The following NEBL variants were observed in gnomAD, a reference collection of about 807,000 sequenced individuals.
NEBL encodes LIM and SH3 protein 2.
NEBL carries 122 observed loss-of-function variants against 140.2 expected under a neutral mutation model. The ratio of observed to expected loss-of-function variants is 0.87; its 90% confidence interval spans 0.75 to 1.01. NEBL has a LOEUF of 1.01. Ranked by LOEUF, NEBL falls within the 50% of genes least tolerant of loss-of-function variation. The pLI is 0.00. For missense variants in NEBL, 1,365 were observed against 1,231.3 expected (o/e 1.11, Z -1.62); for synonymous variants, 436 against 398.9 (o/e 1.09, Z -1.11).
intron 9 of NEBL, among the ~76,000 whole-genome samples, chr10:20,856,625 G>T (rs760135659): frequency 4.6e-5 from 7 of 151,994 alleles, no homozygotes; most frequent in Non-Finnish European, 7.4e-5. Context: ...TCAAGGAATA[G>T]AGGAATGTAA....
chr10:21,055,126 T>G (rs1278889935), intron 2 of NEBL, among the ~76,000 whole-genome samples: 1 of 152,236 alleles, frequency 6.6e-6, no homozygotes, highest in Non-Finnish European at 1.5e-5. Context: ...TTTAAGCTTC[T>G]GCTATTAAAA....
At chr10:21,116,378 CTCT>C (rs997691918) in intron 2 of NEBL, among the ~76,000 whole-genome samples, 8 of 152,046 alleles carry the variant, frequency 5.3e-5, no homozygotes, top group Admixed American at 3.9e-4. Context: ...CTGTATCTCT[CTCT>C]TCTTCTTCTT....
intron 5 of NEBL, among the ~76,000 whole-genome samples, chr10:20,880,036 T>C (rs955600999): frequency 2.0e-5 from 3 of 152,286 alleles, no homozygotes; most frequent in Non-Finnish European, 2.9e-5. Flanking sequence ...CCATGGGTCT[T>C]AGGTTGGACC....
At chr10:21,240,777 T>A (rs1260236904) in intron 3 of NEBL, among the ~76,000 whole-genome samples, 1 of 152,180 alleles carries the variant, frequency 6.6e-6, no homozygotes, top group Non-Finnish European at 1.5e-5. Context: ...TTTAGTTTTT[T>A]TCTGGGTTAG....
In NEBL at chr10:21,234,813, C is replaced by T. The variant is rs79219474; in HGVS notation, n.348+13108G>A. Among the ~76,000 whole-genome samples, 709 of 151,972 alleles carry T rather than the reference C, an allele frequency of 4.7e-3. 3 individuals are homozygous for T. The highest frequency in any genetic ancestry group is 0.016 in the African/African-American group (679 of 41,502). On this transcript the variant is annotated intron_variant and non_coding_transcript_variant, in intron 3 of 8. Coordinates refer to the NEBL transcript ENST00000675702. ...TCACCGTCACTCAGCAGCACTCTGC[C>T]CTGAAGTTTCAGAACACTTAAGGTC...
chr10:20,883,560 C>G lies in NEBL; in HGVS notation c.370-2656G>C, dbSNP rs73607542. ...GGGAGAGGAGGAGTTTCATGGGTACCCAAGTCTACAAAGCTAAGGAAAAAC... is the reference window on the plus strand; with the variant it reads ...GGGAGAGGAGGAGTTTCATGGGTACGCAAGTCTACAAAGCTAAGGAAAAAC... On this transcript the variant is annotated intron_variant, in intron 4 of 27. Transcript: ENST00000377122. Among the ~76,000 whole-genome samples the G allele has an allele frequency of 6.0e-3, 918 of 152,192 alleles. 10 individuals carry two copies. Among genetic ancestry groups the G allele is most frequent in the African/African-American group, 0.021 (890 of 41,516 alleles).
intron 3 of NEBL, among the ~76,000 whole-genome samples, chr10:20,889,549 T>C (rs1846836428): frequency 6.6e-6 from 1 of 152,166 alleles, no homozygotes; most frequent in African/African-American, 2.4e-5. Flanking sequence ...ATTGTGCCAG[T>C]GCTTTTACTT....
intron 2 of NEBL, among the ~76,000 whole-genome samples, chr10:21,031,982 AAAAACTC>A (rs1208706432): frequency 2.6e-5 from 4 of 152,232 alleles, no homozygotes; most frequent in South Asian, 2.1e-4. Context: ...CCCTTGAATA[AAAAACTC>A]AAAACTCAAA....
In NEBL at chr10:20,845,350, A is replaced by G; in HGVS notation, c.1135T>C (p.Phe379Leu). The G allele has an allele frequency of 6.3e-7, 1 of 1,595,652 alleles. No homozygotes were observed. Among genetic ancestry groups the G allele is most frequent in the Non-Finnish European group, 8.6e-7 (1 of 1,163,756 alleles). The change falls in exon 12 of 28, where the codon TTT (phenylalanine) becomes CTT (leucine). Residue 379 changes from phenylalanine to leucine, a missense_variant. Around this residue, in one of 2 missense-constraint regions of NEBL, gnomAD observed 1,323 missense variants for 1,154.8 expected, o/e 1.15. Transcript: ENST00000377122. ...GACCTTCCTTTAATCTCCTTCTCAA[A>G]ATCCTCTTTGTAAACTTTCTGTTAA... is the stretch of plus-strand genomic sequence containing the variant. ...MQSEKVYKED[F>L]EKEIKGRSSL...
At chr10:20,868,355 A>G (rs888577275) in intron 7 of NEBL, 3 of 317,456 alleles carry the variant, frequency 9.5e-6, no homozygotes, top group East Asian at 6.9e-5. Flanking sequence ...TTAAAACACA[A>G]TTATTTAGTA....
At chr10:20,868,631 A>G (rs942765039) in intron 7 of NEBL, 33 bp downstream of exon 7, 1 of 1,375,592 alleles carries the variant, frequency 7.3e-7, no homozygotes, top group African/African-American at 1.4e-5. Flanking sequence ...ATATCTGAAT[A>G]AAGTCATTGT....
At chr10:21,071,144 C>A (rs181223831) in intron 2 of NEBL, among the ~76,000 whole-genome samples, 1 of 151,576 alleles carries the variant, frequency 6.6e-6, no homozygotes, top group Non-Finnish European at 1.5e-5. Context: ...GCACTCCAGC[C>A]TGGGTGACAG....
intron 7 of NEBL, among the ~76,000 whole-genome samples, chr10:20,862,302 T>C (rs1843789895): frequency 6.6e-6 from 1 of 152,234 alleles, no homozygotes; most frequent in African/African-American, 2.4e-5. Context: ...GTGAGTGATT[T>C]GATTCAAGAT....
intron 3 of NEBL, among the ~76,000 whole-genome samples, chr10:21,210,135 T>C (rs2132234700): frequency 6.6e-6 from 1 of 152,278 alleles, no homozygotes; most frequent in Non-Finnish European, 1.5e-5. Context: ...CTCACACCTC[T>C]AATCCCAGCA....
rs1318803806 is a variant in NEBL at position 20,791,674 on chromosome 10, C to T, written c.2762-4366G>A. On this transcript the variant is annotated intron_variant, in intron 26 of 27. Coordinates refer to ENST00000377122, the MANE Select transcript of NEBL (RefSeq NM_006393.3). Reference sequence around the variant, plus strand: ...ACTCCCAAAGCACTGGGATTATGGGCGTGAGCACTGCACCATGCTAAGAAC... The same window carrying T: ...ACTCCCAAAGCACTGGGATTATGGGTGTGAGCACTGCACCATGCTAAGAAC... Among the ~76,000 whole-genome samples the T allele has an allele frequency of 4.6e-5, 7 of 152,118 alleles. No individual in the cohort carries two copies. In the East Asian group the frequency reaches 9.7e-4, roughly 21 times the overall value.
At chr10:20,976,062 T>C (rs1308591965) in intron 3 of NEBL, among the ~76,000 whole-genome samples, 2 of 151,982 alleles carry the variant, frequency 1.3e-5, no homozygotes, top group Non-Finnish European at 2.9e-5. Flanking sequence ...CAGCTGGGTA[T>C]GGTGGCTCAC....
chr10:21,139,244 G>C (rs1482498617), intron 2 of NEBL, among the ~76,000 whole-genome samples: 1 of 152,198 alleles, frequency 6.6e-6, no homozygotes, highest in Non-Finnish European at 1.5e-5. Context: ...AGAAATTAGA[G>C]AAGGGCATTT....
At chr10:20,982,272 T>A (rs1261885863) in intron 3 of NEBL, among the ~76,000 whole-genome samples, 1 of 152,178 alleles carries the variant, frequency 6.6e-6, no homozygotes, top group Non-Finnish European at 1.5e-5. Flanking sequence ...CAGATGGGAC[T>A]CCCCCTCTCC....
At chr10:21,030,483 T>C (rs1589153360) in intron 2 of NEBL, 2 of 775,012 alleles carry the variant, frequency 2.6e-6, no homozygotes, top group East Asian at 3.5e-5. Flanking sequence ...CCCCAAAAGG[T>C]AATGCCAGCC....
Sources: allele counts gnomAD v4.1 joint callset (sites outside exome capture counted in the v4.1 genomes callset), GRCh38; gene constraint gnomAD v4.1.1; regional missense constraint gnomAD v4.1.1; transcripts MANE v1.5; gene names NCBI Gene and HGNC (gene_info 2026-07-23, HGNC 2026-07-21).